The following CLEC16A variants were observed in gnomAD, a reference collection of about 807,000 sequenced individuals.
The protein encoded by CLEC16A is protein CLEC16A.
A neutral mutation model predicts 109.5 loss-of-function variants in CLEC16A; 51 were observed. The observed-to-expected ratio is 0.47, with a 90% CI of 0.37 to 0.59. The LOEUF is 0.59. CLEC16A is among the 20% of genes least tolerant of loss of function. CLEC16A has a pLI of 0.00. For missense variants in CLEC16A, 1,339 were observed against 1,394.0 expected, an observed-to-expected ratio of 0.96 and a Z score of 0.63; for synonymous variants, 673 against 564.2, an observed-to-expected ratio of 1.19 and a Z score of -2.73.
rs184202381 is a variant in CLEC16A, at chr16:11,101,829, G to A, written c.2117-18786G>A. ...TCTTTTCTTTTTTTTTTGAAACAGG[G>A]TATCCTTCTGTTGCCCAAGTTGGAG... On this transcript the variant is annotated intron_variant, in intron 19 of 23. Coordinates refer to ENST00000409790, the MANE Select transcript of CLEC16A (RefSeq NM_015226.3). 1.3e-4 allele frequency among the ~76,000 whole-genome samples: 20 copies of A among 151,396 alleles called. No homozygotes were observed. The East Asian group carries it at 3.5e-3, about 26-fold the overall frequency.
intron 19 of CLEC16A, among the ~76,000 whole-genome samples, chr16:11,111,487 C>T (rs1406825610): frequency 6.6e-6 from 1 of 152,202 alleles, no homozygotes; most frequent in Non-Finnish European, 1.5e-5. Context: ...TAGACAATCA[C>T]TGAGGCCCAC....
chr16:11,066,316 C>T (rs907658325), intron 19 of CLEC16A, among the ~76,000 whole-genome samples: 1 of 152,022 alleles, frequency 6.6e-6, no homozygotes, highest in East Asian at 1.9e-4. Context: ...CTGGGTACAG[C>T]ATTTTGTGAC....
At chr16:11,031,813 A>G (rs1287409375) in intron 13 of CLEC16A, among the ~76,000 whole-genome samples, 2 of 152,216 alleles carry the variant, frequency 1.3e-5, no homozygotes, top group Non-Finnish European at 2.9e-5. Context: ...GGTAGAGGGT[A>G]CTACATCCGC....
chr16:11,095,426 G>A (rs1870107110), intron 19 of CLEC16A, among the ~76,000 whole-genome samples: 1 of 152,140 alleles, frequency 6.6e-6, no homozygotes, highest in Admixed American at 6.5e-5. Context: ...GGCCAGCTCT[G>A]GTCTGTGTGT....
At chr16:11,123,592 ACT>A (rs2153032345) in intron 20 of CLEC16A, 148 bp from the exon 21 acceptor site, 1 of 725,736 alleles carries the variant, frequency 1.4e-6, no homozygotes, top group Admixed American at 2.4e-5. Context: ...CCCATCCATG[ACT>A]CTGTTGGACT....
At chr16:11,034,970 G>A (rs1021594076) in intron 13 of CLEC16A, among the ~76,000 whole-genome samples, 18 of 151,984 alleles carry the variant, frequency 1.2e-4, no homozygotes, top group African/African-American at 3.4e-4. Context: ...CACAGGAGCC[G>A]TCTTACCTTT....
intron 9 of CLEC16A, among the ~76,000 whole-genome samples, chr16:10,981,092 G>C (rs559763034): frequency 2.0e-5 from 3 of 152,292 alleles, no homozygotes; most frequent in African/African-American, 7.2e-5. Flanking sequence ...TTTGGGTTCA[G>C]AGCCAGGGAA....
At chr16:10,966,568 G>C (rs2042517897) in intron 3 of CLEC16A, among the ~76,000 whole-genome samples, 1 of 152,188 alleles carries the variant, frequency 6.6e-6, no homozygotes, top group Non-Finnish European at 1.5e-5. Context: ...ACCCGAGGCT[G>C]GGTACTTTAT....
intron 18 of CLEC16A, among the ~76,000 whole-genome samples, chr16:11,055,783 C>G (rs145528440): frequency 6.6e-6 from 1 of 151,486 alleles, no homozygotes; most frequent in African/African-American, 2.4e-5. Context: ...ACTGGGTTTC[C>G]CCAGTCTGTT....
chr16:10,964,316 A>G (rs534962843), intron 3 of CLEC16A, among the ~76,000 whole-genome samples: 2 of 152,276 alleles, frequency 1.3e-5, no homozygotes, highest in East Asian at 1.9e-4. Flanking sequence ...GTTTCACTGG[A>G]TGTGAAATGA....
At chr16:11,152,434 A>G (rs1195972782) in intron 22 of CLEC16A, among the ~76,000 whole-genome samples, 3 of 152,056 alleles carry the variant, frequency 2.0e-5, no homozygotes, top group African/African-American at 7.3e-5. Context: ...TGGGGTTTCT[A>G]TTTCTGATCC....
At chr16:11,078,380 G>T (rs2049509711) in intron 19 of CLEC16A, among the ~76,000 whole-genome samples, 1 of 152,204 alleles carries the variant, frequency 6.6e-6, no homozygotes, top group Non-Finnish European at 1.5e-5. Context: ...AGTGAGGAAT[G>T]TTCTGGAACT....
chr16:11,087,744 A>G (rs1156340450), intron 19 of CLEC16A, among the ~76,000 whole-genome samples: 1 of 152,244 alleles, frequency 6.6e-6, no homozygotes, highest in Non-Finnish European at 1.5e-5. Flanking sequence ...CAGATTCTGC[A>G]TCTGTTCCCA....
chr16:11,080,207 A>G (rs925838279), intron 19 of CLEC16A, among the ~76,000 whole-genome samples: 2 of 152,250 alleles, frequency 1.3e-5, no homozygotes. Flanking sequence ...CACCAGAAAC[A>G]CAAGGACAGG....
At chr16:11,114,497 C>T (rs1343162995) in intron 19 of CLEC16A, among the ~76,000 whole-genome samples, 1 of 152,124 alleles carries the variant, frequency 6.6e-6, no homozygotes, top group Admixed American at 6.5e-5. Context: ...ACGACAGAGC[C>T]GTCTGCCACC....
intron 19 of CLEC16A, among the ~76,000 whole-genome samples, chr16:11,070,216 G>C (rs555469205): frequency 6.6e-6 from 1 of 151,958 alleles, no homozygotes; most frequent in African/African-American, 2.4e-5. Context: ...GACTACAGGC[G>C]CGTGCCACCA....
intron 11 of CLEC16A, among the ~76,000 whole-genome samples, chr16:11,015,321 G>A (rs1024587490): frequency 1.3e-5 from 2 of 151,874 alleles, no homozygotes; most frequent in African/African-American, 4.8e-5. Flanking sequence ...GTCAAGATGT[G>A]ACACGGGGGT....
rs1047132877 is a variant in CLEC16A at position 11,124,018 on chromosome 16, T to G, written c.2473+72T>G. The G allele has an allele frequency of 7.9e-6, 11 of 1,385,486 alleles. No individual in the cohort carries two copies. In the East Asian group the frequency reaches 2.7e-4, roughly 35 times the overall value. 85.8% of individuals were successfully genotyped at this position (1,385,486 alleles called of 1,614,324 possible). A position where few individuals can be genotyped will look rare whatever the true frequency, so the allele number is the denominator to read the frequency against. ...TCAGGGCTGTTTGTAGTTCTCACACTGACCTTGAGAACCCCCATAGCATAG... is the reference window on the plus strand; with the variant it reads ...TCAGGGCTGTTTGTAGTTCTCACACGGACCTTGAGAACCCCCATAGCATAG... On this transcript the variant is annotated intron_variant, in intron 21 of 23. Transcript: ENST00000409790.
intron 8 of CLEC16A, 86 bp downstream of exon 8, chr16:10,977,485 C>A: frequency 1.7e-6 from 2 of 1,192,788 alleles, no homozygotes; most frequent in Non-Finnish European, 2.3e-6. Context: ...TGGGGCTGAG[C>A]ATTGCAAATC....
Sources: allele counts gnomAD v4.1 joint callset (sites outside exome capture counted in the v4.1 genomes callset), GRCh38; gene constraint gnomAD v4.1.1; transcripts MANE v1.5; gene names NCBI Gene and HGNC (gene_info 2026-07-23, HGNC 2026-07-21).